ATPAF1: variants seen among roughly 807,000 people sequenced by gnomAD.
The protein encoded by ATPAF1 is homolog of yeast ATP11.
A neutral mutation model predicts 43.9 loss-of-function variants in ATPAF1; 26 were observed. That is an observed-to-expected ratio of 0.59 (90% CI 0.43 to 0.82). ATPAF1 has a LOEUF of 0.82. ATPAF1 is among the 40% of genes least tolerant of loss of function. ATPAF1 has a pLI of 0.00. For missense variants in ATPAF1, 366 were observed against 435.0 expected, an observed-to-expected ratio of 0.84 and a Z score of 1.41; for synonymous variants, 157 against 168.0, an observed-to-expected ratio of 0.93 and a Z score of 0.50.
In ATPAF1 at chr1:46,667,993, C is replaced by A. The variant is rs866416629; in HGVS notation, c.266+64G>T. 28 of 1,278,788 alleles carry A rather than the reference C, an allele frequency of 2.2e-5. No homozygotes were observed. The Middle Eastern group carries it at 1.5e-3, about 67-fold the overall frequency. 79.2% of individuals were successfully genotyped at this position (1,278,788 alleles called of 1,614,324 possible). ...CCCACCTCACAGGGCTGTCCTAAGG[C>A]CCAGCAGCCCGGGCCGCCCCTCCTC... On this transcript the variant is annotated intron_variant, in intron 1 of 8. Coordinates refer to ENST00000574428, the Ensembl canonical transcript of ATPAF1.
intron 8 of ATPAF1, among the ~76,000 whole-genome samples, chr1:46,638,571 G>A (rs1053495073): frequency 1.3e-5 from 2 of 150,842 alleles, no homozygotes; most frequent in East Asian, 3.9e-4. Context: ...GCAGTGAGCC[G>A]AGATCCAGCC....
At chr1:46,665,056 C>A in intron 2 of ATPAF1, 200 bp downstream of exon 2, 1 of 573,452 alleles carries the variant, frequency 1.7e-6, no homozygotes, top group Non-Finnish European at 3.1e-6. Context: ...CCCTCTCATA[C>A]TTCTATATCT....
chr1:46,636,054 T>C lies in ATPAF1; in HGVS notation c.793-84A>G, dbSNP rs1675834588. On this transcript the variant is annotated intron_variant, in intron 8 of 8. Transcript: ENST00000574428. ...TGAATTGTGTGGTGGGTGGGGGCCC[T>C]CGCCCAGGAGTCACCACTTCCAGAA... The C allele has an allele frequency of 5.4e-6, 8 of 1,481,584 alleles. No homozygotes were observed. The East Asian group carries it at 1.6e-4, about 29-fold the overall frequency. The allele number at this position is 1,481,584 out of a possible 1,614,324, so 91.8% of individuals were successfully genotyped here.
intron 8 of ATPAF1, among the ~76,000 whole-genome samples, chr1:46,638,249 C>A (rs1343910382): frequency 6.6e-6 from 1 of 152,168 alleles, no homozygotes; most frequent in African/African-American, 2.4e-5. Context: ...GGTCCCTTCA[C>A]CTGTTTTAGC....
chr1:46,663,857 C>T, intron 2 of ATPAF1: 4 of 1,253,070 alleles, frequency 3.2e-6, no homozygotes, highest in Non-Finnish European at 3.1e-6. Context: ...CTGCAGCCCA[C>T]ACCTGGATTA....
intron 8 of ATPAF1, among the ~76,000 whole-genome samples, chr1:46,641,735 C>T (rs578184075): frequency 4.9e-4 from 74 of 152,278 alleles, no homozygotes; most frequent in African/African-American, 1.8e-3. Flanking sequence ...GCTTCCAGGG[C>T]ATTCTACCAT....
At chr1:46,665,094 A>G in intron 2 of ATPAF1, 162 bp downstream of exon 2, 1 of 665,294 alleles carries the variant, frequency 1.5e-6, no homozygotes, top group South Asian at 1.9e-5. Flanking sequence ...CTTTGCCTAG[A>G]AAGAGCAGGA....
chr1:46,668,095 G>A lies in ATPAF1; in HGVS notation c.228C>T (p.Phe76=), dbSNP rs948308967. The A allele has an allele frequency of 1.4e-6, 2 of 1,455,132 alleles. No individual in the cohort carries two copies. The highest frequency in any genetic ancestry group is 1.8e-6 in the Non-Finnish European group (2 of 1,102,104). 90.1% of individuals were successfully genotyped at this position (1,455,132 alleles called of 1,614,324 possible). ...GGATCTTGTCGCGGTAGCGGTCGTA[G>A]AAAGGGTTGGCCTGGAGCTCGGCCT... The change falls in exon 1 of 9, where the codon TTC becomes TTT. Residue 76 remains phenylalanine (F), a synonymous_variant. Coordinates refer to ENST00000574428, the Ensembl canonical transcript of ATPAF1. This position sits in a 1 kb window ranked among gnomAD's most constrained non-coding sequence, Gnocchi z 4.4.
chr1:46,636,059 C>A (rs1460874358), intron 8 of ATPAF1, 89 bp from the exon 9 acceptor site: 2 of 1,423,018 alleles, frequency 1.4e-6, no homozygotes, highest in Non-Finnish European at 2.0e-6. Flanking sequence ...GGCCCTCGCC[C>A]AGGAGTCACC....
At chr1:46,635,485 CA>C (rs1486643434) in exon 9 of ATPAF1, 1 of 385,968 alleles carries the variant, frequency 2.6e-6, no homozygotes, top group Non-Finnish European at 4.7e-6. Context: ...TTACACTGTG[CA>C]AAATCAAGTC....
intron 4 of ATPAF1, 91 bp downstream of exon 4, chr1:46,658,036 G>T: frequency 8.2e-7 from 1 of 1,221,216 alleles, no homozygotes; most frequent in Non-Finnish European, 1.2e-6. Context: ...TTTCATTGTG[G>T]CTAGAAAGAG....
intron 4 of ATPAF1, among the ~76,000 whole-genome samples, chr1:46,657,840 T>C (rs1676302358): frequency 6.6e-6 from 1 of 152,120 alleles, no homozygotes; most frequent in African/African-American, 2.4e-5. Flanking sequence ...GGGAAACCTA[T>C]TTGGAAAGGT....
At chr1:46,652,615 T>G in exon 6 of ATPAF1, 1 of 1,613,234 alleles carries the variant, frequency 6.2e-7, no homozygotes, top group Non-Finnish European at 8.5e-7. Flanking sequence ...CCAGATCAAA[T>G]CAAACTTTTC....
chr1:46,658,744 T>C lies in ATPAF1; in HGVS notation c.376-7A>G, dbSNP rs1676327317. The C allele has an allele frequency of 2.5e-6, 4 of 1,585,186 alleles. No homozygotes were observed. The highest frequency in any genetic ancestry group is 2.3e-5 in the East Asian group (1 of 43,580). On this transcript the variant is annotated splice_region_variant and splice_polypyrimidine_tract_variant and intron_variant, in intron 2 of 8. Coordinates refer to ENST00000574428, the Ensembl canonical transcript of ATPAF1. Reference sequence around the variant, plus strand: ...GTTTCCCCAAGGCATCTGTCTGAAATATATAAGACAAGATATTAATCTACA... The same window carrying C: ...GTTTCCCCAAGGCATCTGTCTGAAACATATAAGACAAGATATTAATCTACA...
intron 2 of ATPAF1, among the ~76,000 whole-genome samples, chr1:46,663,484 G>A (rs1676432561): frequency 6.6e-6 from 1 of 152,216 alleles, no homozygotes; most frequent in African/African-American, 2.4e-5. Flanking sequence ...TCTAACTGGT[G>A]TGAGATGGTA....
intron 4 of ATPAF1, among the ~76,000 whole-genome samples, chr1:46,657,857 G>C (rs1315739781): frequency 6.6e-6 from 1 of 152,200 alleles, no homozygotes; most frequent in Non-Finnish European, 1.5e-5. Context: ...AGGTAGTGCA[G>C]TAATCCAGGT....
chr1:46,642,136 T>C (rs1031510618), intron 8 of ATPAF1, among the ~76,000 whole-genome samples: 41 of 152,146 alleles, frequency 2.7e-4, no homozygotes, highest in Non-Finnish European at 2.6e-4. Context: ...TGGCTTTCAG[T>C]TGAATGTGAT....
At chr1:46,646,172 T>C (rs1277446116) in intron 6 of ATPAF1, among the ~76,000 whole-genome samples, 1 of 152,246 alleles carries the variant, frequency 6.6e-6, no homozygotes, top group African/African-American at 2.4e-5. Context: ...AGTAGTAGTT[T>C]ATATGTTTAA....
chr1:46,656,556 TATTTA>T (rs1262476369), intron 4 of ATPAF1, among the ~76,000 whole-genome samples: 3 of 152,352 alleles, frequency 2.0e-5, no homozygotes, highest in Admixed American at 2.0e-4. Context: ...TGATTATTTT[TATTTA>T]ATTTATGATA....
Sources: gnomAD v4.1 joint callset for allele counts (sites outside exome capture counted in the v4.1 genomes callset) on GRCh38, gnomAD v4.1.1 for gene constraint, Gnocchi (gnomAD v3.1) non-coding constraint, MANE v1.5 for transcripts, NCBI Gene and HGNC (gene_info 2026-07-23, HGNC 2026-07-21) for gene names.